The following ERC1 variants were observed in gnomAD, a reference collection of about 807,000 sequenced individuals.
The protein encoded by ERC1 is RAB6 interacting protein 2.
ERC1 carries 56 observed loss-of-function variants against 132.0 expected under a neutral mutation model. That is an observed-to-expected ratio of 0.42 (90% CI 0.34 to 0.53). The LOEUF is 0.53. ERC1 is among the 20% of genes least tolerant of loss of function. The pLI is 0.03. For synonymous variants in ERC1, 478 were observed against 476.1 expected (o/e 1.00, Z -0.05); for missense variants, 1,202 against 1,349.9 (o/e 0.89, Z 1.72).
At chr12:1,286,028 G>A (rs921798582) in intron 14 of ERC1, among the ~76,000 whole-genome samples, 2 of 152,110 alleles carry the variant, frequency 1.3e-5, no homozygotes, top group Non-Finnish European at 2.9e-5. Flanking sequence ...TTAATTTTTT[G>A]TAGAGATGGA....
At chr12:1,166,252 C>A (rs112871346) in intron 8 of ERC1, among the ~76,000 whole-genome samples, 2,002 of 152,128 alleles carry the variant, frequency 0.013, 61 homozygotes, top group African/African-American at 0.045. Context: ...GCTGTTCTTG[C>A]AATAGTGAAT....
chr12:1,487,187 C>A (rs1548561), intron 18 of ERC1, among the ~76,000 whole-genome samples: 84,695 of 151,908 alleles, frequency 0.56, 24,511 homozygotes, highest in Middle Eastern at 0.66. Flanking sequence ...GCACCAAGGC[C>A]GCGTGGTCTA....
chr12:1,483,752 C>T (rs1365050545), intron 18 of ERC1, among the ~76,000 whole-genome samples: 8 of 132,328 alleles, frequency 6.0e-5, no homozygotes, highest in African/African-American at 8.5e-5. Flanking sequence ...TGCAGTGGCG[C>T]GATCTCGCCT....
intron 18 of ERC1, among the ~76,000 whole-genome samples, chr12:1,478,327 C>T (rs1051594659): frequency 6.6e-6 from 1 of 152,182 alleles, no homozygotes; most frequent in Non-Finnish European, 1.5e-5. Context: ...TTTTATATGT[C>T]TGTTAACCAT....
rs188229106 is a variant in ERC1, at chr12:1,159,519, C to T, written c.1737+17732C>T. Among the ~76,000 whole-genome samples the T allele has an allele frequency of 5.9e-5, 9 of 152,204 alleles. No individual in the cohort carries two copies. In the East Asian group the frequency reaches 1.5e-3, roughly 26 times the overall value. ...GTCCATGGCCCAGGAGTTGGGGACCCCTGCCTTAGAGTATTTGCTGATTGA... is the reference window on the plus strand; with the variant it reads ...GTCCATGGCCCAGGAGTTGGGGACCTCTGCCTTAGAGTATTTGCTGATTGA... On this transcript the variant is annotated intron_variant, in intron 8 of 18. Coordinates refer to ENST00000360905, the MANE Select transcript of ERC1 (RefSeq NM_178040.4).
chr12:1,469,899 A>G (rs879862948), intron 18 of ERC1, among the ~76,000 whole-genome samples: 2 of 142,340 alleles, frequency 1.4e-5, no homozygotes, highest in African/African-American at 2.6e-5. Flanking sequence ...GCCAAGTCAG[A>G]CACAACTTGC....
At chr12:1,144,614 G>GTATATATATATATATATATATATA (rs142846830) in intron 8 of ERC1, among the ~76,000 whole-genome samples, 53 of 132,256 alleles carry the variant, frequency 4.0e-4, no homozygotes, top group African/African-American at 1.5e-3. Flanking sequence ...GAATTTTGTG[G>GTATATATATATATATATATATATA]TATATATATA....
chr12:1,264,481 G>A (rs957525380), intron 14 of ERC1, among the ~76,000 whole-genome samples: 4 of 151,946 alleles, frequency 2.6e-5, no homozygotes, highest in East Asian at 1.9e-4. Context: ...TGGCTAACAC[G>A]GTGAAACCCC....
At chr12:1,067,633 A>G (rs1939462854) in intron 2 of ERC1, among the ~76,000 whole-genome samples, 1 of 152,166 alleles carries the variant, frequency 6.6e-6, no homozygotes, top group Non-Finnish European at 1.5e-5. Flanking sequence ...CCCTGGATAC[A>G]GGTGCTCTGT....
chr12:1,106,495 T>C (rs1945280688), intron 4 of ERC1, among the ~76,000 whole-genome samples: 1 of 152,202 alleles, frequency 6.6e-6, no homozygotes, highest in African/African-American at 2.4e-5. Context: ...TTATGGGAAC[T>C]GTTGTCTTAA....
chr12:1,018,003 G>T (rs1317210185), intron 1 of ERC1, among the ~76,000 whole-genome samples: 1 of 152,112 alleles, frequency 6.6e-6, no homozygotes, highest in Non-Finnish European at 1.5e-5. Flanking sequence ...TAGATGAGAG[G>T]CATTAGTCTG....
intron 2 of ERC1, among the ~76,000 whole-genome samples, chr12:1,067,235 C>G (rs896233425): frequency 6.6e-6 from 1 of 152,062 alleles, no homozygotes. Flanking sequence ...TTTAACAAGC[C>G]AGTTTGAAAA....
intron 15 of ERC1, among the ~76,000 whole-genome samples, chr12:1,332,575 A>G (rs560859156): frequency 6.6e-6 from 1 of 152,320 alleles, no homozygotes; most frequent in African/African-American, 2.4e-5. Flanking sequence ...ACAGCTGACT[A>G]GCAGCTTTGT....
At chr12:1,103,151 C>G (rs558729099) in intron 3 of ERC1, among the ~76,000 whole-genome samples, 1 of 152,116 alleles carries the variant, frequency 6.6e-6, no homozygotes, top group Non-Finnish European at 1.5e-5. Context: ...AACAACTAAA[C>G]CTAATACTAA....
Position 1,154,330 on chromosome 12 carries a change from T to C in ERC1, c.1737+12543T>C, listed in dbSNP as rs565414787. Among the ~76,000 whole-genome samples the C allele has an allele frequency of 2.8e-3, 379 of 137,558 alleles. 1 individual carries two copies. The highest frequency in any genetic ancestry group is 8.4e-3 in the African/African-American group (313 of 37,332). 90.2% of individuals were successfully genotyped at this position (137,558 alleles called of 152,430 possible). ...ATATATGTGTGTGTGTATATATATA[T>C]ACACACATACCCATGTGTGTTTATA... On this transcript the variant is annotated intron_variant, in intron 8 of 18. Transcript: ENST00000360905.
At chr12:1,427,688 G>A (rs1591989100) in intron 17 of ERC1, among the ~76,000 whole-genome samples, 1 of 152,270 alleles carries the variant, frequency 6.6e-6, no homozygotes, top group Non-Finnish European at 1.5e-5. Context: ...CTGCCCACAA[G>A]TCACGTCACT....
chr12:1,244,510 GTTTGTTTGT>G (rs763178953), intron 13 of ERC1: 6 of 449,250 alleles, frequency 1.3e-5, no homozygotes, highest in Non-Finnish European at 1.3e-5. Flanking sequence ...TTGTTTGTTT[GTTTGTTTGT>G]TTGTTTGTTT....
chr12:1,354,699 G>A (rs912088649), intron 15 of ERC1, among the ~76,000 whole-genome samples: 1 of 152,164 alleles, frequency 6.6e-6, no homozygotes, highest in Non-Finnish European at 1.5e-5. Flanking sequence ...CATCCAGGCT[G>A]GAGTGCCGAA....
rs543206659 is a variant in ERC1, at chr12:1,495,043, A to G, written c.*4813A>G. On this transcript the variant is annotated 3_prime_UTR_variant, in exon 19 of 19. Transcript: ENST00000360905. Reference sequence around the variant, plus strand: ...CTCGCAGTTGTGCCAGGATTTTCCTATACATGTTCAGGACCTCTGGGTAGA... The same window carrying G: ...CTCGCAGTTGTGCCAGGATTTTCCTGTACATGTTCAGGACCTCTGGGTAGA... The G allele has an allele frequency of 2.2e-5, 5 of 228,918 alleles. No individual in the cohort carries two copies. The highest frequency in any genetic ancestry group is 4.3e-5 in the Non-Finnish European group (5 of 115,370). The allele number at this position is 228,918 out of a possible 1,614,324, so 14.2% of individuals were successfully genotyped here. A position where few individuals can be genotyped will look rare whatever the true frequency, so the allele number is the denominator to read the frequency against.
Sources: gnomAD v4.1 joint callset for allele counts (sites outside exome capture counted in the v4.1 genomes callset) on GRCh38, gnomAD v4.1.1 for gene constraint, MANE v1.5 for transcripts, NCBI Gene and HGNC (gene_info 2026-07-23, HGNC 2026-07-21) for gene names.